Variants in ZNF578 observed in about 807,000 individuals in gnomAD.
The protein encoded by ZNF578 is Putative chemokine-related protein B42.
ZNF578 carries 8 observed loss-of-function variants against 8.3 expected under a neutral mutation model. The observed-to-expected ratio is 0.96, with a 90% CI of 0.56 to 1.74. ZNF578 has a LOEUF of 1.74. ZNF578 is among the 40% of genes most tolerant of loss of function. ZNF578 has a pLI of 0.00. For synonymous variants in ZNF578, 206 were observed against 232.2 expected (o/e 0.89, Z 1.03); for missense variants, 726 against 707.5 (o/e 1.03, Z -0.30).
intron 4 of ZNF578, 127 bp from the exon 5 acceptor site, chr19:52,504,528 C>T: frequency 2.0e-6 from 3 of 1,528,380 alleles, no homozygotes; most frequent in Admixed American, 2.3e-5. Flanking sequence ...TCAAAAATAC[C>T]TTAACGTGGT....
rs536141421 is a variant in ZNF578, at chr19:52,511,497, G to A, written c.1116G>A (p.Lys372=). The A allele has an allele frequency of 6.2e-7, 1 of 1,613,768 alleles. No homozygotes were observed. The highest frequency in any genetic ancestry group is 8.5e-7 in the Non-Finnish European group (1 of 1,179,742). ...TTCATACTGGAATAAAACCTTACAA[G>A]TGTAATGAGTGTGGCAAGATGTTTG... ...RRLHTGIKPY[K]CNECGKMFGQ... The change falls in exon 6 of 6, where the codon AAG becomes AAA. Residue 372 remains lysine (K), a synonymous_variant. Transcript: ENST00000421239.
chr19:52,483,427 A>G (rs995324680), intron 2 of ZNF578, among the ~76,000 whole-genome samples: 1 of 152,190 alleles, frequency 6.6e-6, no homozygotes, highest in African/African-American at 2.4e-5. Flanking sequence ...AAAAATACGT[A>G]AATAAATAAT....
Position 52,512,379 on chromosome 19 carries a change from TACA to T in ZNF578, c.*228_*230del, listed in dbSNP as rs2059452549. 1 of 1,498,964 alleles carries T rather than the reference TACA, an allele frequency of 6.7e-7. No individual in the cohort carries two copies. The highest frequency in any genetic ancestry group is 1.4e-5 in the African/African-American group (1 of 72,418). The allele number at this position is 1,498,964 out of a possible 1,614,324, so 92.9% of individuals were successfully genotyped here. ...ATTGTCACAAAGTCTTCAGTAACGC[TACA>T]ACGATTGCAAATCATTGGAGAATCC... On this transcript the variant is annotated 3_prime_UTR_variant, in exon 6 of 6. Transcript: ENST00000421239.
intron 3 of ZNF578, 41 bp from the exon 4 acceptor site, chr19:52,501,786 G>A (rs2059408470): frequency 1.2e-6 from 2 of 1,600,506 alleles, no homozygotes; most frequent in African/African-American, 1.3e-5. Flanking sequence ...AAGGGAGTGA[G>A]TCATATCTAA....
At chr19:52,468,102 C>T (rs1217839382) in intron 2 of ZNF578, among the ~76,000 whole-genome samples, 1 of 151,936 alleles carries the variant, frequency 6.6e-6, no homozygotes, top group African/African-American at 2.4e-5. Context: ...ATGTAGACTG[C>T]AACATATGGA....
intron 2 of ZNF578, among the ~76,000 whole-genome samples, chr19:52,480,000 C>G (rs1393964367): frequency 1.3e-5 from 2 of 152,152 alleles, no homozygotes; most frequent in Non-Finnish European, 2.9e-5. Flanking sequence ...AGCTCCGCCT[C>G]CCGGGTTCAT....
At chr19:52,480,908 TAATAATAA>T (rs2059324131) in intron 2 of ZNF578, among the ~76,000 whole-genome samples, 1 of 74,696 alleles carries the variant, frequency 1.3e-5, no homozygotes, top group Admixed American at 1.5e-4. Flanking sequence ...AAGATAATAA[TAATAATAA>T]TAATAATAAT....
intron 2 of ZNF578, among the ~76,000 whole-genome samples, chr19:52,477,594 A>T (rs1407192063): frequency 6.8e-6 from 1 of 146,748 alleles, no homozygotes; most frequent in Non-Finnish European, 1.5e-5. Context: ...TTCCCATTTT[A>T]GGGTTTTTTT....
intron 4 of ZNF578, among the ~76,000 whole-genome samples, chr19:52,502,342 G>T (rs1409208567): frequency 1.3e-5 from 2 of 152,168 alleles, no homozygotes; most frequent in Non-Finnish European, 2.9e-5. Context: ...GAAAGGAGAC[G>T]AATAAGGAGA....
chr19:52,455,572 A>G (rs974302164), intron 1 of ZNF578: 1 of 151,998 alleles, frequency 6.6e-6, no homozygotes, highest in Non-Finnish European at 1.5e-5. Flanking sequence ...CCTCTCTCCT[A>G]ATTTCTAGAA....
At chr19:52,490,948 A>G (rs967424307) in intron 2 of ZNF578, among the ~76,000 whole-genome samples, 2 of 152,174 alleles carry the variant, frequency 1.3e-5, no homozygotes, top group African/African-American at 4.8e-5. Context: ...ATTTATTTGT[A>G]TACAGTAGAT....
intron 5 of ZNF578, among the ~76,000 whole-genome samples, chr19:52,505,138 T>C (rs957561320): frequency 1.5e-4 from 23 of 152,276 alleles, no homozygotes; most frequent in African/African-American, 4.8e-4. Flanking sequence ...CCGCCCACCT[T>C]GGCCTCCCAA....
intron 2 of ZNF578, among the ~76,000 whole-genome samples, chr19:52,463,797 A>G (rs1050014782): frequency 8.5e-5 from 13 of 152,184 alleles, no homozygotes; most frequent in African/African-American, 2.7e-4. Context: ...GGATAACTTT[A>G]TCACAAGGTC....
At chr19:52,468,549 T>C (rs546133613) in intron 2 of ZNF578, among the ~76,000 whole-genome samples, 2 of 152,276 alleles carry the variant, frequency 1.3e-5, no homozygotes, top group African/African-American at 4.8e-5. Flanking sequence ...GATGTCTGAG[T>C]AATGTGATGG....
chr19:52,504,504 T>C, intron 4 of ZNF578, 151 bp from the exon 5 acceptor site: 2 of 1,486,898 alleles, frequency 1.3e-6, no homozygotes, highest in East Asian at 4.7e-5. Context: ...AATGCAACTA[T>C]TGAGAAAAAA....
chr19:52,513,471 C>T lies in ZNF578; in HGVS notation c.*1317C>T, dbSNP rs372596826. Among the ~76,000 whole-genome samples the T allele has an allele frequency of 6.4e-3, 964 of 151,248 alleles. 14 individuals are homozygous for T. Among genetic ancestry groups the T allele is most frequent in the South Asian group, 0.049 (234 of 4,808 alleles). On this transcript the variant is annotated 3_prime_UTR_variant, in exon 6 of 6. Coordinates refer to ENST00000421239, the MANE Select transcript of ZNF578 (RefSeq NM_001099694.2). The stretch of plus-strand genomic sequence containing the variant: ...TCAGGCTGGGTGTGGCAGCTCACGC[C>T]GGTAATCCCAGCACTTTGGGAGGCC...
intron 2 of ZNF578, chr19:52,458,946 C>G (rs2059247886): frequency 6.6e-6 from 1 of 152,162 alleles, no homozygotes; most frequent in Non-Finnish European, 1.5e-5. Flanking sequence ...GAAAACCCCT[C>G]CATTTTGTTT....
intron 2 of ZNF578, among the ~76,000 whole-genome samples, chr19:52,480,314 G>T (rs1451859961): frequency 2.0e-5 from 3 of 152,074 alleles, no homozygotes; most frequent in African/African-American, 7.2e-5. Context: ...TTCTTTCTGG[G>T]TAATTGCAAG....
intron 2 of ZNF578, among the ~76,000 whole-genome samples, chr19:52,460,390 G>C (rs948529282): frequency 6.6e-6 from 1 of 151,380 alleles, no homozygotes; most frequent in African/African-American, 2.4e-5. Flanking sequence ...ATTGGCATTT[G>C]TGTTATGTTT....
Sources: allele counts gnomAD v4.1 joint callset (sites outside exome capture counted in the v4.1 genomes callset), GRCh38; gene constraint gnomAD v4.1.1; transcripts MANE v1.5; gene names NCBI Gene and HGNC (gene_info 2026-07-23, HGNC 2026-07-21).